OSGEPL1: variants seen among roughly 807,000 people sequenced by gnomAD.
OSGEPL1 encodes the protein O-sialoglycoprotein endopeptidase like 1.
In OSGEPL1, 26 loss-of-function variants were observed where a neutral mutation model predicts 37.2. The ratio of observed to expected loss-of-function variants is 0.70; its 90% CI spans 0.51 to 0.97. The LOEUF is 0.97. Ranked by LOEUF, OSGEPL1 falls within the 50% of genes least tolerant of loss-of-function variation. The pLI is 0.00. For missense variants in OSGEPL1, 404 were observed against 487.0 expected (o/e 0.83, Z 1.60); for synonymous variants, 140 against 159.9 (o/e 0.88, Z 0.94).
At chr2:189,760,696 CAG>C (rs142544709) in intron 2 of OSGEPL1, among the ~76,000 whole-genome samples, 34,342 of 151,534 alleles carry the variant, frequency 0.23, 4,223 homozygotes, top group African/African-American at 0.32. Flanking sequence ...GAGGCTGAGA[CAG>C]GGGAATCGTT....
intron 2 of OSGEPL1, 73 bp downstream of exon 2, chr2:189,761,340 ACTTTTAT>A (rs2047043119): frequency 6.9e-7 from 1 of 1,451,540 alleles, no homozygotes; most frequent in Admixed American, 2.6e-5. Flanking sequence ...GCTCCTGAAA[ACTTTTAT>A]ATATGACAAA....
In OSGEPL1 at chr2:189,754,052, C is replaced by T. The variant is rs2045690715; in HGVS notation, c.827G>A (p.Gly276Glu). The T allele has an allele frequency of 1.2e-6, 2 of 1,613,064 alleles. No individual in the cohort carries two copies. Among genetic ancestry groups the T allele is most frequent in the Non-Finnish European group, 1.7e-6 (2 of 1,179,664 alleles). ...KKEKEEGIEK[G>E]QILSSAADIA... ...GTCTGCTGCTGAAGACAGGATTTGC[C>T]CCTTCTCAATACCTGCAGAAATGAG... The change falls in exon 5 of 9, where the codon GGG becomes GAG. Residue 276 changes from glycine to glutamate, a missense_variant. By Grantham distance (98) the Gly-to-Glu change is moderately conservative. Coordinates refer to ENST00000264151, the MANE Select transcript of OSGEPL1 (RefSeq NM_022353.3).
intron 7 of OSGEPL1, among the ~76,000 whole-genome samples, chr2:189,752,378 T>C (rs770058374): frequency 4.6e-5 from 7 of 152,330 alleles, no homozygotes; most frequent in African/African-American, 7.2e-5. Context: ...GTCATGGACA[T>C]AGTTTACATT....
Position 189,746,730 on chromosome 2 carries a change from A to C in OSGEPL1, c.*467T>G, listed in dbSNP as rs914568360. ...TAACATAACTGAATAATCTTTTTGAATGAAAGTTCTTGATCTCGATACTAA... is the reference window on the plus strand; with the variant it reads ...TAACATAACTGAATAATCTTTTTGACTGAAAGTTCTTGATCTCGATACTAA... On this transcript the variant is annotated 3_prime_UTR_variant, in exon 9 of 9. Coordinates refer to ENST00000264151, the MANE Select transcript of OSGEPL1 (RefSeq NM_022353.3). The C allele has an allele frequency of 8.0e-7, 1 of 1,253,802 alleles. No individual in the cohort carries two copies. The highest frequency in any genetic ancestry group is 1.5e-5 in the African/African-American group (1 of 64,570). The allele number at this position is 1,253,802 out of a possible 1,614,324, so 77.7% of individuals were successfully genotyped here.
At chr2:189,755,113 G>A (rs2045907259) in intron 3 of OSGEPL1, 60 bp downstream of exon 3, 1 of 1,554,006 alleles carries the variant, frequency 6.4e-7, no homozygotes, top group East Asian at 2.2e-5. Flanking sequence ...CACATCTATT[G>A]CTACTTAGTT....
chr2:189,762,770 C>G lies in OSGEPL1; in HGVS notation c.-106G>C, dbSNP rs945290599. On this transcript the variant is annotated 5_prime_UTR_variant, in exon 1 of 9. Transcript: ENST00000264151. ...GCCCTTATCGCTGCAGGAGAAAGCCCGAACCTGGCGCCCGGAAGTGATGTC... is the reference window on the plus strand; with the variant it reads ...GCCCTTATCGCTGCAGGAGAAAGCCGGAACCTGGCGCCCGGAAGTGATGTC... The G allele has an allele frequency of 5.1e-6, 5 of 985,498 alleles. No homozygotes were observed. The highest frequency in any genetic ancestry group is 6.0e-6 in the Non-Finnish European group (5 of 830,036). The allele number at this position is 985,498 out of a possible 1,614,324, so 61.0% of individuals were successfully genotyped here.
At chr2:189,759,334 C>T (rs545507038) in intron 2 of OSGEPL1, among the ~76,000 whole-genome samples, 18 of 152,182 alleles carry the variant, frequency 1.2e-4, no homozygotes, top group South Asian at 6.2e-4. Flanking sequence ...CTGCAAGCTC[C>T]GCCTCCCGGG....
At chr2:189,751,444 G>GTTT (rs779920289) in intron 7 of OSGEPL1, among the ~76,000 whole-genome samples, 13 of 126,126 alleles carry the variant, frequency 1.0e-4, no homozygotes, top group African/African-American at 1.8e-4. Flanking sequence ...GACAAGTTGT[G>GTTT]TTTTTTTTTT....
chr2:189,753,819 T>C, intron 5 of OSGEPL1, 97 bp downstream of exon 5: 1 of 1,300,260 alleles, frequency 7.7e-7, no homozygotes, highest in Non-Finnish European at 1.1e-6. Context: ...GCATAAGGCA[T>C]AAAGATCTGT....
At position 189,762,745 on chromosome 2, in the gene OSGEPL1, G is replaced by A. The variant is rs547799537; in HGVS notation, c.-81C>T. The A allele has an allele frequency of 4.1e-6, 4 of 985,532 alleles. No homozygotes were observed. The highest frequency in any genetic ancestry group is 4.8e-6 in the Non-Finnish European group (4 of 830,034). The allele number at this position is 985,532 out of a possible 1,614,324, so 61.0% of individuals were successfully genotyped here. A position where few individuals can be genotyped will look rare whatever the true frequency, so the allele number is the denominator to read the frequency against. On this transcript the variant is annotated 5_prime_UTR_variant, in exon 1 of 9. Coordinates refer to ENST00000264151, the MANE Select transcript of OSGEPL1 (RefSeq NM_022353.3). ...CTTTCCCTACTAAAGACTGTCGACT[G>A]CCCTTATCGCTGCAGGAGAAAGCCC...
intron 2 of OSGEPL1, among the ~76,000 whole-genome samples, chr2:189,759,965 C>T (rs556283155): frequency 6.6e-6 from 1 of 152,066 alleles, no homozygotes; most frequent in Non-Finnish European, 1.5e-5. Flanking sequence ...TGACTCTTAA[C>T]GAGTATGCTG....
rs777547440 is a variant in OSGEPL1 at position 189,761,400 on chromosome 2, C to T, written c.221+20G>A. 2 of 1,573,140 alleles carry T rather than the reference C, an allele frequency of 1.3e-6. No individual in the cohort carries two copies. Among genetic ancestry groups the T allele is most frequent in the Admixed American group, 2.1e-5 (1 of 48,318 alleles). ...ACTTTTTCCAAAAAAGTGGAAATGA[C>T]TAAGATAATGTCTACTTACTTTAAA... On this transcript the variant is annotated intron_variant, in intron 2 of 8. Coordinates refer to ENST00000264151, the MANE Select transcript of OSGEPL1 (RefSeq NM_022353.3).
chr2:189,754,897 T>C, intron 3 of OSGEPL1: 1 of 405,088 alleles, frequency 2.5e-6, no homozygotes, highest in Non-Finnish European at 4.3e-6. Flanking sequence ...AGCACGTTCT[T>C]TCACATACAT....
intron 7 of OSGEPL1, among the ~76,000 whole-genome samples, chr2:189,751,490 G>C (rs1219881772): frequency 6.7e-6 from 1 of 150,106 alleles, no homozygotes; most frequent in Admixed American, 6.6e-5. Context: ...TGTCACCCGG[G>C]CTGGAGTGCA....
intron 2 of OSGEPL1, 50 bp downstream of exon 2, chr2:189,761,370 A>C (rs1226183131): frequency 1.3e-6 from 2 of 1,549,322 alleles, no homozygotes; most frequent in East Asian, 2.3e-5. Flanking sequence ...CAAAAGAATG[A>C]TTTTACTTTT....
chr2:189,758,713 C>G (rs891298999), intron 2 of OSGEPL1, among the ~76,000 whole-genome samples: 1 of 152,214 alleles, frequency 6.6e-6, no homozygotes, highest in South Asian at 2.1e-4. Context: ...GTGTTAGGCA[C>G]TAGGCATAGC....
chr2:189,756,463 G>A (rs553850920), intron 2 of OSGEPL1, among the ~76,000 whole-genome samples: 41 of 152,162 alleles, frequency 2.7e-4, no homozygotes, highest in Non-Finnish European at 5.4e-4. Context: ...AGTTCTATGT[G>A]TAGAAATGAA....
chr2:189,752,092 C>T (rs1046636892), intron 7 of OSGEPL1, among the ~76,000 whole-genome samples: 27 of 151,288 alleles, frequency 1.8e-4, no homozygotes, highest in East Asian at 2.0e-4. Context: ...TGCAGTGAGC[C>T]GAGAATGCGC....
At chr2:189,759,688 T>C (rs1210728504) in intron 2 of OSGEPL1, among the ~76,000 whole-genome samples, 2 of 152,248 alleles carry the variant, frequency 1.3e-5, no homozygotes, top group African/African-American at 4.8e-5. Flanking sequence ...TTTTTCACTA[T>C]TCAGATGTTG....
Sources: gnomAD v4.1 joint callset for allele counts (sites outside exome capture counted in the v4.1 genomes callset) on GRCh38, gnomAD v4.1.1 for gene constraint, MANE v1.5 for transcripts, NCBI Gene and HGNC (gene_info 2026-07-23, HGNC 2026-07-21) for gene names.